The following GPC5 variants were observed in gnomAD, a reference collection of about 807,000 sequenced individuals.
The protein encoded by GPC5 is glypican 5.
Under a neutral mutation model 53.9 loss-of-function variants are expected in GPC5, and 47 were observed. The observed-to-expected ratio is 0.87, with a 90% confidence interval of 0.69 to 1.11. GPC5 has a LOEUF of 1.11. Ranked by LOEUF, GPC5 falls within the 50% of genes most tolerant of loss-of-function variation. GPC5 has a pLI of 0.00. For synonymous variants in GPC5, 286 were observed against 263.3 expected (o/e 1.09, Z -0.84); for missense variants, 748 against 713.1 (o/e 1.05, Z -0.56).
chr13:92,497,088 T>G (rs1179577800), intron 7 of GPC5, among the ~76,000 whole-genome samples: 1 of 152,222 alleles, frequency 6.6e-6, no homozygotes, highest in Non-Finnish European at 1.5e-5. Context: ...TCTTTTGCTG[T>G]GCAGAAGTTC....
At chr13:91,513,352 ATTTGTG>A (rs1566465868) in intron 2 of GPC5, among the ~76,000 whole-genome samples, 1 of 134,642 alleles carries the variant, frequency 7.4e-6, no homozygotes, top group Non-Finnish European at 1.6e-5. Flanking sequence ...ACTTGTTTTC[ATTTGTG>A]TGTGTGTGTG....
At chr13:91,561,060 G>A (rs1349392248) in intron 2 of GPC5, among the ~76,000 whole-genome samples, 1 of 152,118 alleles carries the variant, frequency 6.6e-6, no homozygotes, top group African/African-American at 2.4e-5. Context: ...TCTTTGAACT[G>A]TCACTAATTT....
chr13:91,636,422 G>A (rs1029549647), intron 2 of GPC5, among the ~76,000 whole-genome samples: 1 of 151,802 alleles, frequency 6.6e-6, no homozygotes, highest in Non-Finnish European at 1.5e-5. Flanking sequence ...ATACACGTGT[G>A]TGCAGTGTGT....
chr13:92,731,571 T>C (rs2139299643), intron 7 of GPC5, among the ~76,000 whole-genome samples: 1 of 151,562 alleles, frequency 6.6e-6, no homozygotes, highest in Non-Finnish European at 1.5e-5. Flanking sequence ...ATTCAAGATA[T>C]CATGAAGCTC....
chr13:91,668,036 A>G (rs1433610101), intron 2 of GPC5, among the ~76,000 whole-genome samples: 1 of 152,202 alleles, frequency 6.6e-6, no homozygotes, highest in Non-Finnish European at 1.5e-5. Flanking sequence ...ATGAGCTATA[A>G]TGGCTGCCAC....
At chr13:91,582,927 G>A (rs2032421132) in intron 2 of GPC5, among the ~76,000 whole-genome samples, 1 of 152,052 alleles carries the variant, frequency 6.6e-6, no homozygotes. Context: ...CTTGAACTGG[G>A]GAGATGGAGG....
At chr13:92,586,099 C>A (rs73621558) in intron 7 of GPC5, among the ~76,000 whole-genome samples, 32,149 of 152,108 alleles carry the variant, frequency 0.21, 3,535 homozygotes, top group Non-Finnish European at 0.22. Context: ...TGTGAACATG[C>A]AACTCGTGAA....
chr13:91,790,326 T>C (rs2037945028), intron 5 of GPC5, among the ~76,000 whole-genome samples: 1 of 152,244 alleles, frequency 6.6e-6, no homozygotes, highest in Admixed American at 6.5e-5. Flanking sequence ...GCATACACTC[T>C]TAATACTTTG....
chr13:91,627,664 G>A (rs943369243), intron 2 of GPC5, among the ~76,000 whole-genome samples: 10 of 152,048 alleles, frequency 6.6e-5, no homozygotes, highest in African/African-American at 1.9e-4. Flanking sequence ...CTCTAATTGG[G>A]TTGAATCTTG....
intron 7 of GPC5, among the ~76,000 whole-genome samples, chr13:92,572,252 T>C (rs539765676): frequency 6.6e-5 from 10 of 152,204 alleles, no homozygotes; most frequent in Non-Finnish European, 1.2e-4. Flanking sequence ...AATAGAACTA[T>C]CATCTCTTCA....
At chr13:91,592,836 C>T (rs1034392028) in intron 2 of GPC5, among the ~76,000 whole-genome samples, 2 of 152,136 alleles carry the variant, frequency 1.3e-5, no homozygotes, top group African/African-American at 2.4e-5. Context: ...AGGCAGGTGC[C>T]GTGGGAGGGG....
intron 1 of GPC5, among the ~76,000 whole-genome samples, chr13:91,412,249 G>A (rs897609675): frequency 2.0e-5 from 3 of 152,184 alleles, no homozygotes; most frequent in Admixed American, 6.5e-5. Context: ...GTGCCTTTTC[G>A]TGGCTGAATT....
At chr13:92,541,947 T>A (rs1234768655) in intron 7 of GPC5, among the ~76,000 whole-genome samples, 1 of 151,992 alleles carries the variant, frequency 6.6e-6, no homozygotes, top group Non-Finnish European at 1.5e-5. Context: ...GTAGGTCTAC[T>A]TCTGAAGTCT....
intron 7 of GPC5, among the ~76,000 whole-genome samples, chr13:92,577,457 AC>A (rs749789805): frequency 5.5e-4 from 55 of 99,606 alleles, no homozygotes; most frequent in Non-Finnish European, 1.1e-3. Context: ...TGTGTCAATG[AC>A]CTTGAAAGTC....
chr13:92,632,406 A>G (rs1885268768), intron 7 of GPC5, among the ~76,000 whole-genome samples: 1 of 149,854 alleles, frequency 6.7e-6, no homozygotes, highest in African/African-American at 2.4e-5. Context: ...GCAACGTGCA[A>G]GTTATTTCTA....
intron 5 of GPC5, among the ~76,000 whole-genome samples, chr13:91,854,463 A>C (rs959591013): frequency 1.3e-5 from 2 of 151,830 alleles, no homozygotes; most frequent in Non-Finnish European, 3.0e-5. Context: ...CTGCTGTGCT[A>C]TCAAATACTG....
intron 7 of GPC5, among the ~76,000 whole-genome samples, chr13:92,467,270 G>A (rs560329642): frequency 4.6e-5 from 7 of 152,176 alleles, no homozygotes; most frequent in African/African-American, 1.2e-4. Context: ...TTAAAGAGAG[G>A]GAAAGGATAA....
chr13:91,714,486 C>T (rs2036292699), intron 3 of GPC5, among the ~76,000 whole-genome samples: 1 of 152,102 alleles, frequency 6.6e-6, no homozygotes, highest in South Asian at 2.1e-4. Context: ...TGAAACAAAT[C>T]GAAGCACATA....
intron 5 of GPC5, among the ~76,000 whole-genome samples, chr13:91,831,343 A>G (rs958856479): frequency 6.6e-6 from 1 of 151,806 alleles, no homozygotes; most frequent in African/African-American, 2.4e-5. Context: ...CTTGAAGCTG[A>G]TTAGATTGTG....
Sources: gnomAD v4.1 joint callset for allele counts (sites outside exome capture counted in the v4.1 genomes callset) on GRCh38, gnomAD v4.1.1 for gene constraint, MANE v1.5 for transcripts, NCBI Gene and HGNC (gene_info 2026-07-23, HGNC 2026-07-21) for gene names.